CLCN5: variants seen among roughly 807,000 people sequenced by gnomAD.
CLCN5 encodes the protein Cl-/H+ antiporter 5.
CLCN5 carries 17 observed loss-of-function variants against 54.0 expected under a neutral mutation model. The observed-to-expected ratio is 0.31, with a 90% CI of 0.22 to 0.47. The LOEUF is 0.47. Among genes scored for constraint, CLCN5 ranks in the 20% least tolerant of loss-of-function variants. The pLI is 1.00. For missense variants in CLCN5, 448 were observed against 646.7 expected (o/e 0.69, Z 3.33); for synonymous variants, 222 against 233.0 (o/e 0.95, Z 0.43).
chrX:50,036,596 GA>G (rs1932008716), intron 3 of CLCN5, among the ~76,000 whole-genome samples: 1 of 112,001 alleles, frequency 8.9e-6, no homozygotes, highest in African/African-American at 3.2e-5. Flanking sequence ...ACACCCATCT[GA>G]AACTATGACT....
At chrX:49,953,822 A>G (rs1927178161) in intron 3 of CLCN5, among the ~76,000 whole-genome samples, 1 of 112,103 alleles carries the variant, frequency 8.9e-6, no homozygotes, top group African/African-American at 3.2e-5. Context: ...AGATTGATCA[A>G]TGTATACTAT....
At chrX:49,975,852 G>A (rs376891183) in intron 3 of CLCN5, among the ~76,000 whole-genome samples, 3 of 112,246 alleles carry the variant, frequency 2.7e-5, no homozygotes, top group Non-Finnish European at 5.6e-5. Context: ...AGGCTTCATC[G>A]CTTCATGGAA....
chrX:49,956,749 T>C (rs1387477301), intron 3 of CLCN5, among the ~76,000 whole-genome samples: 2 of 112,255 alleles, frequency 1.8e-5, no homozygotes, highest in African/African-American at 6.5e-5. Flanking sequence ...TTATAATTAT[T>C]ATCTAACTTG....
intron 4 of CLCN5, among the ~76,000 whole-genome samples, chrX:50,042,827 TTTC>T (rs1448796059): frequency 8.9e-6 from 1 of 112,079 alleles, no homozygotes; most frequent in Admixed American, 9.5e-5. Context: ...AAGTTGTTCA[TTTC>T]TTCTTCTTGC....
At chrX:49,924,277 C>T (rs1401441826) in intron 2 of CLCN5, among the ~76,000 whole-genome samples, 2 of 110,537 alleles carry the variant, frequency 1.8e-5, no homozygotes, top group African/African-American at 3.3e-5. Flanking sequence ...CTCAGCCTTC[C>T]GAGTAGCTGG....
intron 4 of CLCN5, 99 bp from the exon 5 acceptor site, chrX:50,069,780 A>G: frequency 9.1e-7 from 1 of 1,095,180 alleles, no homozygotes; most frequent in Non-Finnish European, 1.2e-6. Context: ...AACTGTAGTC[A>G]TCTGATAGTT....
At chrX:49,968,861 A>C (rs1403823406) in intron 3 of CLCN5, among the ~76,000 whole-genome samples, 4 of 85,103 alleles carry the variant, frequency 4.7e-5, no homozygotes, top group Non-Finnish European at 8.1e-5. Context: ...AAAAGAAACT[A>C]CCATCAGAGT....
rs782584473 is a variant in CLCN5 at position 50,080,698 on chromosome X, T to C, written c.708T>C (p.Cys236=). 8.3e-7 allele frequency: 1 copy of C among 1,206,113 alleles called. No homozygotes were observed. The change falls in exon 8 of 15, where the codon TGT becomes TGC. Residue 236 remains cysteine, a synonymous_variant. Transcript: ENST00000376091. ...TCAAGGTGTTTGCGCCTTATGCCTGTGGCTCTGGAATCCCTGAGGTGAGTC... is the reference window on the plus strand; with the variant it reads ...TCAAGGTGTTTGCGCCTTATGCCTGCGGCTCTGGAATCCCTGAGGTGAGTC... The part of the protein sequence containing the change: ...SLVKVFAPYA[C]GSGIPEIKTI...
intron 3 of CLCN5, among the ~76,000 whole-genome samples, chrX:49,996,019 A>T (rs1929506587): frequency 8.9e-6 from 1 of 111,909 alleles, no homozygotes; most frequent in Non-Finnish European, 1.9e-5. Context: ...GACTCCAGAT[A>T]CCTAAGTCTT....
At chrX:50,070,132 G>A in intron 5 of CLCN5, 102 bp downstream of exon 5, 3 of 783,334 alleles carry the variant, frequency 3.8e-6, no homozygotes, top group Non-Finnish European at 5.6e-6. Flanking sequence ...CCCTGGATGT[G>A]ACTGAATCTG....
At chrX:49,965,333 G>A in intron 3 of CLCN5, among the ~76,000 whole-genome samples, 1 of 111,857 alleles carries the variant, frequency 8.9e-6, no homozygotes, top group Non-Finnish European at 1.9e-5. Context: ...GTAGTTTTCA[G>A]TGTACATACA....
chrX:50,063,336 G>T (rs1932895135), intron 4 of CLCN5, among the ~76,000 whole-genome samples: 3 of 100,475 alleles, frequency 3.0e-5, no homozygotes, highest in Non-Finnish European at 5.8e-5. Context: ...TATCACCACT[G>T]ATCCCACAGA....
rs1391127352 is a variant in CLCN5 at position 49,994,577 on chromosome X, T to A, written c.17-47739T>A. On this transcript the variant is annotated intron_variant, in intron 3 of 14. Coordinates refer to ENST00000376091, the MANE Select transcript of CLCN5 (RefSeq NM_001127898.4). ...CTTTTAGCTGTATTAAAGTCTAGTA[T>A]ATATTAAGCCCATTTGCCATGCAAA... 6.3e-5 allele frequency among the ~76,000 whole-genome samples: 7 copies of A among 111,625 alleles called. No homozygotes were observed. In the Admixed American group the frequency reaches 6.7e-4, roughly 11 times the overall value.
chrX:49,995,334 C>T (rs1929463667), intron 3 of CLCN5, among the ~76,000 whole-genome samples: 1 of 112,049 alleles, frequency 8.9e-6, no homozygotes, highest in Non-Finnish European at 1.9e-5. Context: ...CGTGAAATGG[C>T]AATACTTCAA....
intron 4 of CLCN5, among the ~76,000 whole-genome samples, chrX:50,057,625 A>C (rs1345735266): frequency 1.8e-5 from 1 of 54,199 alleles, no homozygotes; most frequent in African/African-American, 7.2e-5. Context: ...GATAGATACT[A>C]TCCAGGACTC....
chrX:49,983,566 TG>T (rs1557177959), intron 3 of CLCN5, among the ~76,000 whole-genome samples: 3 of 109,502 alleles, frequency 2.7e-5, no homozygotes, highest in Non-Finnish European at 5.7e-5. Context: ...AGGCCTAACC[TG>T]TTGTCCTCTT....
At chrX:49,999,544 G>A (rs781960017) in intron 3 of CLCN5, among the ~76,000 whole-genome samples, 5 of 110,023 alleles carry the variant, frequency 4.5e-5, no homozygotes, top group Admixed American at 3.9e-4. Flanking sequence ...TGAATCCTTC[G>A]GCCTGTTAGT....
chrX:50,026,467 G>T (rs2147442579), intron 3 of CLCN5, among the ~76,000 whole-genome samples: 1 of 111,189 alleles, frequency 9.0e-6, no homozygotes, highest in East Asian at 2.8e-4. Context: ...ATAGAGGGGT[G>T]GTGAAGTCTC....
intron 3 of CLCN5, among the ~76,000 whole-genome samples, chrX:50,019,477 T>C (rs1352531090): frequency 3.2e-5 from 3 of 94,183 alleles, no homozygotes; most frequent in African/African-American, 7.8e-5. Flanking sequence ...TCTTTTTTTT[T>C]TTTTTTTTTT....
Sources: gnomAD v4.1 joint callset for allele counts (sites outside exome capture counted in the v4.1 genomes callset) on GRCh38, gnomAD v4.1.1 for gene constraint, MANE v1.5 for transcripts, NCBI Gene and HGNC (gene_info 2026-07-23, HGNC 2026-07-21) for gene names.